The following FNIP2 variants were observed in gnomAD, a reference collection of about 807,000 sequenced individuals.
The protein encoded by FNIP2 is folliculin-interacting protein 2.
In FNIP2, 32 loss-of-function variants were observed where a neutral mutation model predicts 108.7. The ratio of observed to expected loss-of-function variants is 0.29; its 90% CI spans 0.22 to 0.40. The LOEUF (loss-of-function observed/expected upper bound fraction) is 0.40. FNIP2 is among the 10% of genes least tolerant of loss of function. The pLI is 1.00. For missense variants in FNIP2, 1,202 were observed against 1,381.6 expected, an observed-to-expected ratio of 0.87 and a Z score of 2.06; for synonymous variants, 480 against 496.7, an observed-to-expected ratio of 0.97 and a Z score of 0.45.
chr4:158,777,039 C>T (rs933638945), intron 1 of FNIP2, among the ~76,000 whole-genome samples: 1 of 152,156 alleles, frequency 6.6e-6, no homozygotes, highest in African/African-American at 2.4e-5. Flanking sequence ...TGCACCCCCA[C>T]CTCCCTAAAA....
chr4:158,783,948 C>A (rs1776133748), intron 1 of FNIP2, among the ~76,000 whole-genome samples: 1 of 152,162 alleles, frequency 6.6e-6, no homozygotes, highest in Admixed American at 6.5e-5. Context: ...CAGAGGAAAG[C>A]TGGACAGGAT....
At chr4:158,809,745 AAACAG>A (rs1246558352) in intron 1 of FNIP2, among the ~76,000 whole-genome samples, 1 of 152,228 alleles carries the variant, frequency 6.6e-6, no homozygotes, top group Non-Finnish European at 1.5e-5. Context: ...AAAGGAACTG[AAACAG>A]AGCACTTCAG....
intron 1 of FNIP2, among the ~76,000 whole-genome samples, 168 bp from the exon 2 acceptor site, chr4:158,825,748 C>T (rs1466793537): frequency 3.9e-5 from 6 of 152,260 alleles, no homozygotes; most frequent in Non-Finnish European, 2.9e-5. Flanking sequence ...ACATACAAGG[C>T]TATCTGTCCC....
chr4:158,855,282 T>C (rs1386219016), intron 8 of FNIP2, among the ~76,000 whole-genome samples: 1 of 152,184 alleles, frequency 6.6e-6, no homozygotes. Context: ...TTATTTAAAA[T>C]TCAAAATGGT....
intron 8 of FNIP2, among the ~76,000 whole-genome samples, chr4:158,851,957 G>T (rs1267014094): frequency 1.3e-5 from 2 of 152,182 alleles, no homozygotes; most frequent in Admixed American, 6.5e-5. Flanking sequence ...CTGGTTTTGT[G>T]TGCAAAATGT....
intron 1 of FNIP2, among the ~76,000 whole-genome samples, chr4:158,799,192 A>T (rs1776683247): frequency 6.6e-6 from 1 of 152,222 alleles, no homozygotes; most frequent in African/African-American, 2.4e-5. Flanking sequence ...AGGGGACTGG[A>T]CTTTGTACAG....
chr4:158,872,042 A>G (rs1780982866), intron 14 of FNIP2: 1 of 985,174 alleles, frequency 1.0e-6, no homozygotes, highest in Admixed American at 6.1e-5. Flanking sequence ...TTGATTTCTA[A>G]CAATATTGGT....
At chr4:158,886,855 A>T (rs775426679) in intron 14 of FNIP2, among the ~76,000 whole-genome samples, 14 of 152,196 alleles carry the variant, frequency 9.2e-5, no homozygotes, top group Non-Finnish European at 1.8e-4. Context: ...GAGAACTTTT[A>T]AAAAAGGTAA....
chr4:158,862,044 A>T (rs1780330067), intron 12 of FNIP2, among the ~76,000 whole-genome samples: 1 of 152,200 alleles, frequency 6.6e-6, no homozygotes, highest in Non-Finnish European at 1.5e-5. Context: ...ACCCTAGAGC[A>T]GGATTTCTTA....
At position 158,869,293 on chromosome 4, in the gene FNIP2, A is replaced by G. The variant is rs759313775; in HGVS notation, c.2657A>G (p.Asp886Gly). The change falls in exon 13 of 17, where the codon GAC becomes GGC. Residue 886 changes from aspartate to glycine, a missense_variant. Transcript: ENST00000264433. ...AAGGCCAACTTCAGGACTGAAGGAG[A>G]CATTCCCCGAAATGAAAGCTCAGAT... ...NKKANFRTEG[D>G]IPRNESSDSA... The G allele has an allele frequency of 1.2e-6, 2 of 1,613,868 alleles. No homozygotes were observed. The highest frequency in any genetic ancestry group is 3.3e-5 in the Admixed American group (2 of 60,004).
intron 1 of FNIP2, among the ~76,000 whole-genome samples, chr4:158,816,560 A>C (rs1300341980): frequency 1.3e-5 from 2 of 152,142 alleles, no homozygotes; most frequent in Non-Finnish European, 2.9e-5. Context: ...AAGCAGGCGG[A>C]TCAGTTGAAG....
intron 8 of FNIP2, among the ~76,000 whole-genome samples, chr4:158,854,254 A>C (rs1300445810): frequency 1.3e-5 from 2 of 152,198 alleles, no homozygotes; most frequent in Non-Finnish European, 2.9e-5. Flanking sequence ...TGCAGACTCT[A>C]TAGGGACAGG....
intron 14 of FNIP2, chr4:158,890,429 G>C (rs1782222720): frequency 1.1e-6 from 1 of 880,102 alleles, no homozygotes; most frequent in Non-Finnish European, 1.4e-6. Flanking sequence ...TCCCATTTGT[G>C]AGAAGGAATA....
chr4:158,840,634 G>C (rs1358718215), intron 7 of FNIP2, among the ~76,000 whole-genome samples: 1 of 152,154 alleles, frequency 6.6e-6, no homozygotes, highest in Non-Finnish European at 1.5e-5. Flanking sequence ...GACCTCAGGT[G>C]ATTCACCCAC....
chr4:158,842,015 C>T (rs1018470523), intron 7 of FNIP2, among the ~76,000 whole-genome samples: 1 of 152,252 alleles, frequency 6.6e-6, no homozygotes, highest in Non-Finnish European at 1.5e-5. Context: ...GAATCTTGGC[C>T]TTGGCCTTAG....
chr4:158,895,606 G>C, intron 15 of FNIP2, 144 bp from the exon 16 acceptor site: 1 of 605,382 alleles, frequency 1.7e-6, no homozygotes, highest in South Asian at 2.0e-5. Context: ...TAGGGTTTGA[G>C]ATGGCTTGTG....
chr4:158,801,945 C>T (rs1237989656), intron 1 of FNIP2, among the ~76,000 whole-genome samples: 2 of 152,170 alleles, frequency 1.3e-5, no homozygotes, highest in African/African-American at 4.8e-5. Context: ...GGATCTGTCT[C>T]CAAAGCCCAT....
At chr4:158,885,829 G>C (rs1781997748) in intron 14 of FNIP2, among the ~76,000 whole-genome samples, 1 of 152,202 alleles carries the variant, frequency 6.6e-6, no homozygotes, top group African/African-American at 2.4e-5. Context: ...TCTGACTTCA[G>C]AGCCCTTGCT....
intron 14 of FNIP2, among the ~76,000 whole-genome samples, chr4:158,884,653 C>T (rs1781917318): frequency 6.6e-6 from 1 of 152,126 alleles, no homozygotes; most frequent in Non-Finnish European, 1.5e-5. Context: ...CCCACTTTCA[C>T]ACAACTGTAA....
Sources: gnomAD v4.1 joint callset for allele counts (sites outside exome capture counted in the v4.1 genomes callset) on GRCh38, gnomAD v4.1.1 for gene constraint, MANE v1.5 for transcripts, NCBI Gene and HGNC (gene_info 2026-07-23, HGNC 2026-07-21) for gene names.